PLEKHM2: variants seen among roughly 807,000 people sequenced by gnomAD.
PLEKHM2 encodes the protein pleckstrin homology and RUN domain containing M2.
In PLEKHM2, 77 loss-of-function variants were observed where a neutral mutation model predicts 116.3. The observed-to-expected ratio is 0.66, with a 90% CI of 0.55 to 0.80. The LOEUF is 0.80. Ranked by LOEUF, PLEKHM2 falls within the 30% of genes least tolerant of loss-of-function variation. PLEKHM2 has a pLI of 0.00. For synonymous variants in PLEKHM2, 562 were observed against 571.0 expected (o/e 0.98, Z 0.22); for missense variants, 1,183 against 1,354.9 (o/e 0.87, Z 1.99).
At chr1:15,692,611 G>GT (rs1186227291) in intron 1 of PLEKHM2, among the ~76,000 whole-genome samples, 8 of 152,176 alleles carry the variant, frequency 5.3e-5, no homozygotes, top group South Asian at 4.1e-4. Context: ...TCGTTTTTTG[G>GT]TTTTTTTGTA....
In PLEKHM2 at chr1:15,729,855, C is replaced by A. The variant is rs1359556719; in HGVS notation, c.2134C>A (p.Pro712Thr). ...CAAAGGCTGTCGAGAACCTCCCTAC[C>A]CCAGCATCCTGACGGATGCCACCAT... ...MIKGCREPPY[P>T]SILTDATMEK... The change falls in exon 14 of 20, where the codon CCC (proline) becomes ACC (threonine). Residue 712 changes from proline to threonine, a missense_variant. Pro to Thr is a conservative substitution (Grantham distance 38). Coordinates refer to ENST00000375799, the MANE Select transcript of PLEKHM2 (RefSeq NM_015164.4). The surrounding 1 kb of genome is among the most constrained non-coding windows in gnomAD (Gnocchi z 4.7). 1.9e-6 allele frequency: 3 copies of A among 1,613,166 alleles called. No individual in the cohort carries two copies. The highest frequency in any genetic ancestry group is 2.5e-6 in the Non-Finnish European group (3 of 1,179,478).
At chr1:15,701,859 C>A (rs1421120956) in intron 1 of PLEKHM2, among the ~76,000 whole-genome samples, 1 of 152,194 alleles carries the variant, frequency 6.6e-6, no homozygotes, top group African/African-American at 2.4e-5. Flanking sequence ...CTCCCTGTGT[C>A]TTTCTGAGGG....
At chr1:15,718,015 C>G in intron 4 of PLEKHM2, 23 bp downstream of exon 4, 1 of 1,442,700 alleles carries the variant, frequency 6.9e-7, no homozygotes, top group East Asian at 2.4e-5. Flanking sequence ...GACGGTCTGT[C>G]TCCCCTAGCC....
intron 1 of PLEKHM2, among the ~76,000 whole-genome samples, chr1:15,688,211 G>C (rs183319224): frequency 3.3e-5 from 5 of 152,178 alleles, no homozygotes; most frequent in Admixed American, 1.3e-4. Context: ...TAGATTTTGT[G>C]ATGGTGAATA....
chr1:15,684,697 G>GGTGACCCTGCTGCCGCAGGGACTC, intron 1 of PLEKHM2, 79 bp downstream of exon 1: 3 of 795,234 alleles, frequency 3.8e-6, no homozygotes, highest in Non-Finnish European at 3.3e-6. Context: ...CTCCCGGGCC[G>GGTGACCCTGCTGCCGCAGGGACTC]GGGCCCCCCG....
At chr1:15,709,990 C>T (rs1443219414) in intron 1 of PLEKHM2, among the ~76,000 whole-genome samples, 1 of 151,858 alleles carries the variant, frequency 6.6e-6, no homozygotes, top group Non-Finnish European at 1.5e-5. Context: ...CTTTGGAGGC[C>T]GAGATGGGCA....
At position 15,727,717 on chromosome 1, in the gene PLEKHM2, G is replaced by T; in HGVS notation, c.1645G>T (p.Val549Phe). 1 of 1,597,414 alleles carries T rather than the reference G, an allele frequency of 6.3e-7. No individual in the cohort carries two copies. The highest frequency in any genetic ancestry group is 8.5e-7 in the Non-Finnish European group (1 of 1,172,866). ...VSEPEPGTQE[V>F]LCQLKRDQPS... ...TGAGCCAGAGCCTGGGACCCAGGAG[G>T]TTCTCTGCCAGCTCAAGCGAGACCA... is the stretch of plus-strand genomic sequence containing the variant. Residue 549 changes from valine (V) to phenylalanine (F), a missense_variant, in exon 9 of 20, where the codon GTT becomes TTT. By Grantham distance (50) the Val-to-Phe change is conservative. Around this residue, in one of 3 missense-constraint regions of PLEKHM2, gnomAD observed 594 missense variants for 720.1 expected, o/e 0.82. Transcript: ENST00000375799. The surrounding 1 kb of genome is among the most constrained non-coding windows in gnomAD (Gnocchi z 7.5).
At chr1:15,730,510 C>T (rs935044353) in intron 14 of PLEKHM2, 22 bp from the exon 15 acceptor site, 14 of 1,521,874 alleles carry the variant, frequency 9.2e-6, no homozygotes, top group Non-Finnish European at 1.2e-5. Flanking sequence ...TGCTTTGTCC[C>T]CCGTGCCCGC....
At position 15,732,348 on chromosome 1, in the gene PLEKHM2, A is replaced by G; in HGVS notation, c.2626-2A>G. ...CCTGCCTCTCCCCTGCCCCGCTGCC[A>G]GGTCATCCCCCAGGGCGTAGCTCCC... On this transcript the variant is annotated splice_acceptor_variant, in intron 17 of 19. Transcript: ENST00000375799. LOFTEE classifies it high-confidence loss of function. 2.6e-6 allele frequency: 4 copies of G among 1,550,710 alleles called. No individual in the cohort carries two copies. Among genetic ancestry groups the G allele is most frequent in the Non-Finnish European group, 3.5e-6 (4 of 1,146,844 alleles).
chr1:15,732,270 G>A, intron 17 of PLEKHM2, 80 bp from the exon 18 acceptor site: 1 of 1,235,432 alleles, frequency 8.1e-7, no homozygotes, highest in Non-Finnish European at 1.1e-6. Context: ...AGAAGGGCTG[G>A]CTGGTCCCCT....
At chr1:15,726,019 G>C in intron 8 of PLEKHM2, 1 of 167,742 alleles carries the variant, frequency 6.0e-6, no homozygotes, top group Non-Finnish European at 1.3e-5. Flanking sequence ...TTCAACACAG[G>C]AATCTGGAGG....
chr1:15,725,586 G>T, intron 8 of PLEKHM2, 41 bp downstream of exon 8: 2 of 1,361,652 alleles, frequency 1.5e-6, no homozygotes, highest in Non-Finnish European at 2.0e-6. Context: ...AGGTCCTGGG[G>T]TCCAACCTGT....
Position 15,728,998 on chromosome 1 carries a change from G to C in PLEKHM2, c.1987-104G>C. The C allele has an allele frequency of 9.5e-7, 1 of 1,052,948 alleles. No individual in the cohort carries two copies. The highest frequency in any genetic ancestry group is 1.4e-5 in the South Asian group (1 of 71,574). The allele number at this position is 1,052,948 out of a possible 1,614,324, so 65.2% of individuals were successfully genotyped here. ...GGGGCTTTACTTGGTGGTGGCCCGG[G>C]GTGTGCTTCTTCCTCCCCAGCAAGC... On this transcript the variant is annotated intron_variant, in intron 12 of 19. Transcript: ENST00000375799. This position sits in a 1 kb window ranked among gnomAD's most constrained non-coding sequence, Gnocchi z 5.9.
chr1:15,709,639 T>C (rs2148349827), intron 1 of PLEKHM2, among the ~76,000 whole-genome samples: 1 of 152,302 alleles, frequency 6.6e-6, no homozygotes, highest in African/African-American at 2.4e-5. Flanking sequence ...GACCCGGGTT[T>C]CCTGCCTACG....
Position 15,721,487 on chromosome 1 carries a change from A to G in PLEKHM2, c.712+99A>G. 1.4e-6 allele frequency: 1 copy of G among 729,088 alleles called. No homozygotes were observed. Among genetic ancestry groups the G allele is most frequent in the South Asian group, 1.8e-5 (1 of 56,216 alleles). The allele number at this position is 729,088 out of a possible 1,614,324, so 45.2% of individuals were successfully genotyped here. A position where few individuals can be genotyped will look rare whatever the true frequency, so the allele number is the denominator to read the frequency against. The stretch of plus-strand genomic sequence containing the variant: ...AATCAGCTCCTTATTATTTATAATA[A>G]TATCCATAATCATAATAAAGCCAAG... On this transcript the variant is annotated intron_variant, in intron 7 of 19. Coordinates refer to ENST00000375799, the MANE Select transcript of PLEKHM2 (RefSeq NM_015164.4). The surrounding 1 kb of genome is among the most constrained non-coding windows in gnomAD (Gnocchi z 5.1).
At chr1:15,681,980 G>A (rs1424139084), upstream of PLEKHM2, among the ~76,000 whole-genome samples, 3 of 152,182 alleles carry the variant, frequency 2.0e-5, no homozygotes, top group South Asian at 6.2e-4. Context: ...TGAGGTAAGA[G>A]GATGGCCTGA....
In PLEKHM2 at chr1:15,717,916, C is replaced by A. The variant is rs1431431682; in HGVS notation, c.301C>A (p.Leu101Ile). The A allele has an allele frequency of 2.5e-6, 4 of 1,597,964 alleles. No homozygotes were observed. Among genetic ancestry groups the A allele is most frequent in the Non-Finnish European group, 3.4e-6 (4 of 1,172,134 alleles). Residue 101 changes from leucine (L) to isoleucine (I), a missense_variant, in exon 4 of 20, where the codon CTC (leucine) becomes ATC (isoleucine). Physicochemically the swap from Leu to Ile is conservative, Grantham distance 5. Transcript: ENST00000375799. ...GRSRAWLYLA[L>I]NENSLESYLR... ...AGGCCGTGCCTGGCTGTACCTGGCC[C>A]TCAACGAGAACTCCTTGGAGAGCTA... is the stretch of plus-strand genomic sequence containing the variant.
At chr1:15,703,070 A>G (rs1356350401) in intron 1 of PLEKHM2, among the ~76,000 whole-genome samples, 1 of 152,166 alleles carries the variant, frequency 6.6e-6, no homozygotes, top group African/African-American at 2.4e-5. Context: ...TCCACCTCCT[A>G]GACCTGTCCT....
At chr1:15,686,803 C>T (rs1640781289) in intron 1 of PLEKHM2, among the ~76,000 whole-genome samples, 1 of 152,036 alleles carries the variant, frequency 6.6e-6, no homozygotes, top group African/African-American at 2.4e-5. Flanking sequence ...CGCCGGCCAC[C>T]ACGCCCGGCT....
Sources: gnomAD v4.1 joint callset for allele counts (sites outside exome capture counted in the v4.1 genomes callset) on GRCh38, gnomAD v4.1.1 for gene constraint, gnomAD v4.1.1 regional missense constraint, Gnocchi (gnomAD v3.1) non-coding constraint, MANE v1.5 for transcripts, NCBI Gene and HGNC (gene_info 2026-07-23, HGNC 2026-07-21) for gene names.